Variants in XRN1 observed in about 807,000 individuals in gnomAD.
XRN1 encodes the protein 5'-3' exoribonuclease 1.
A neutral mutation model predicts 222.3 loss-of-function variants in XRN1; 67 were observed. That is an observed-to-expected ratio of 0.30 (90% confidence interval 0.25 to 0.37). The LOEUF is 0.37. Ranked by LOEUF, XRN1 falls within the 10% of genes least tolerant of loss-of-function variation. The pLI, the probability that XRN1 is intolerant of heterozygous loss-of-function variation, is 1.00. For synonymous variants in XRN1, 643 were observed against 652.4 expected, an observed-to-expected ratio of 0.99 and a Z score of 0.22; for missense variants, 1,707 against 2,000.2, an observed-to-expected ratio of 0.85 and a Z score of 2.80.
At chr3:142,412,075 C>A (rs1464219590) in intron 15 of XRN1, among the ~76,000 whole-genome samples, 1 of 152,102 alleles carries the variant, frequency 6.6e-6, no homozygotes, top group Non-Finnish European at 1.5e-5. Context: ...CTGCCCGCCT[C>A]AGCCTCCCAA....
At position 142,394,357 on chromosome 3, in the gene XRN1, G is replaced by C. The variant is rs543397419; in HGVS notation, c.2339+2972C>G. On this transcript the variant is annotated intron_variant, in intron 20 of 40. Transcript: ENST00000392981. ...CACTTCTATCCCAAAACACAGGGTAGAATGTTTCATTATAAATTATGACTC... is the reference window on the plus strand; with the variant it reads ...CACTTCTATCCCAAAACACAGGGTACAATGTTTCATTATAAATTATGACTC... Among the ~76,000 whole-genome samples, 3 of 152,292 alleles carry C rather than the reference G, an allele frequency of 2.0e-5. 1 individual carries two copies. In the South Asian group the frequency reaches 6.2e-4, roughly 32 times the overall value.
chr3:142,430,854 G>T (rs1450800958), intron 2 of XRN1, among the ~76,000 whole-genome samples: 1 of 152,148 alleles, frequency 6.6e-6, no homozygotes, highest in Non-Finnish European at 1.5e-5. Flanking sequence ...ACATGTCCAG[G>T]AATGAACTTT....
chr3:142,372,061 T>A (rs1052827449), intron 25 of XRN1, among the ~76,000 whole-genome samples: 14 of 152,152 alleles, frequency 9.2e-5, no homozygotes, highest in African/African-American at 3.4e-4. Flanking sequence ...TCCAGGTACA[T>A]TTGAAAGTGT....
chr3:142,391,745 A>ATATATAT (rs1285125894), intron 20 of XRN1, among the ~76,000 whole-genome samples: 1 of 80,270 alleles, frequency 1.2e-5, no homozygotes, highest in African/African-American at 3.6e-5. Flanking sequence ...CTAAAAAAAA[A>ATATATAT]AAAAATATAT....
intron 15 of XRN1, among the ~76,000 whole-genome samples, chr3:142,408,349 G>C (rs1444653239): frequency 6.6e-6 from 1 of 152,218 alleles, no homozygotes; most frequent in Non-Finnish European, 1.5e-5. Flanking sequence ...TTGTGGGGGT[G>C]CTTGGGTGGG....
intron 29 of XRN1, among the ~76,000 whole-genome samples, chr3:142,361,498 G>C (rs1278470943): frequency 6.6e-6 from 1 of 151,986 alleles, no homozygotes; most frequent in Non-Finnish European, 1.5e-5. Context: ...AATGGGGGGA[G>C]AAAAAAAGAA....
intron 39 of XRN1, among the ~76,000 whole-genome samples, chr3:142,317,972 A>G (rs545376415): frequency 3.8e-4 from 58 of 152,074 alleles, no homozygotes; most frequent in African/African-American, 1.4e-3. Flanking sequence ...GAAATCCTTT[A>G]TTATTCAGTT....
At chr3:142,410,585 T>C (rs2068533697) in intron 15 of XRN1, among the ~76,000 whole-genome samples, 1 of 146,072 alleles carries the variant, frequency 6.8e-6, no homozygotes, top group South Asian at 2.2e-4. Context: ...CCTCTGCCTC[T>C]GAGGGTTCAA....
chr3:142,399,491 T>A (rs2068048399), intron 19 of XRN1, among the ~76,000 whole-genome samples: 1 of 152,036 alleles, frequency 6.6e-6, no homozygotes, highest in African/African-American at 2.4e-5. Flanking sequence ...CTATAAAACT[T>A]TTCAAAGAAA....
At chr3:142,328,294 T>A (rs185172983) in intron 37 of XRN1, among the ~76,000 whole-genome samples, 247 of 152,318 alleles carry the variant, frequency 1.6e-3, no homozygotes, top group African/African-American at 5.7e-3. Flanking sequence ...TCCCTCCTAG[T>A]ACTACTTTTG....
chr3:142,445,044 C>G (rs1201705267), intron 1 of XRN1, among the ~76,000 whole-genome samples: 1 of 152,180 alleles, frequency 6.6e-6, no homozygotes, highest in Non-Finnish European at 1.5e-5. Context: ...GGCACCTCTA[C>G]TATTTGTCTT....
At position 142,324,845 on chromosome 3, in the gene XRN1, A is replaced by G. The variant is rs371672641; in HGVS notation, c.4404+4589T>C. Among the ~76,000 whole-genome samples, 7 of 152,200 alleles carry G rather than the reference A, an allele frequency of 4.6e-5. No individual in the cohort carries two copies. The East Asian group carries it at 7.7e-4, about 17-fold the overall frequency. On this transcript the variant is annotated intron_variant, in intron 37 of 40. Transcript: ENST00000392981. ...TTTGATTTGCATTTCTCTGATGGCC[A>G]GTGATGATGAGCATTTTTTCATATG...
chr3:142,358,660 T>C (rs1278594886), intron 30 of XRN1, among the ~76,000 whole-genome samples: 2 of 152,168 alleles, frequency 1.3e-5, no homozygotes, highest in Admixed American at 6.5e-5. Context: ...ATCAAAGGTA[T>C]TGGTAATCAA....
chr3:142,443,071 C>T (rs898817148), intron 1 of XRN1, among the ~76,000 whole-genome samples: 2 of 152,194 alleles, frequency 1.3e-5, no homozygotes, highest in African/African-American at 4.8e-5. Context: ...AAGTTTGTCT[C>T]TTCCAGAATC....
intron 37 of XRN1, among the ~76,000 whole-genome samples, chr3:142,327,541 A>C (rs957515342): frequency 2.6e-5 from 4 of 151,768 alleles, no homozygotes; most frequent in East Asian, 3.9e-4. Flanking sequence ...AAAAAAAAAA[A>C]ACAACTTTTT....
At chr3:142,333,147 A>G in intron 34 of XRN1, 58 bp from the exon 35 acceptor site, 1 of 1,543,112 alleles carries the variant, frequency 6.5e-7, no homozygotes, top group Non-Finnish European at 8.7e-7. Flanking sequence ...AACACACAAA[A>G]AGCTGAGTTT....
rs758949470 is a variant in XRN1, at chr3:142,311,561, T to TAAGAAAA, written c.5034_5035insTTTTCTT (p.Lys1679PhefsTer3). The TAAGAAAA allele has an allele frequency of 1.9e-5, 30 of 1,611,002 alleles. No homozygotes were observed. Among genetic ancestry groups the TAAGAAAA allele is most frequent in the Non-Finnish European group, 2.5e-5 (29 of 1,178,040 alleles). On this transcript the variant is annotated frameshift_variant, in exon 41 of 41. Coordinates refer to ENST00000392981, the MANE Select transcript of XRN1 (RefSeq NM_001282857.2). LOFTEE classifies it high-confidence loss of function. Reference sequence around the variant, plus strand: ...AAATTAACAGCCAGTTTTCTTGATTTTCTTCTTGAAGAAGAGATTGGTGTT... The same window carrying TAAGAAAA: ...AAATTAACAGCCAGTTTTCTTGATTTAAGAAAATCTTCTTGAAGAAGAGATTGGTGTT...
rs1279517246 is a variant in XRN1 at position 142,311,702 on chromosome 3, C to CT, written c.4893dup (p.Val1632SerfsTer26). On this transcript the variant is annotated frameshift_variant, in exon 41 of 41. Transcript: ENST00000392981. LOFTEE classifies it high-confidence loss of function. The stretch of plus-strand genomic sequence containing the variant: ...GCTGATGAGCTCTCCCGTGGACTTA[C>CT]TTTGACAATGTTGGAAGAATCTGGC... 6.2e-7 allele frequency: 1 copy of CT among 1,614,116 alleles called. No individual in the cohort carries two copies. Among genetic ancestry groups the CT allele is most frequent in the Admixed American group, 1.7e-5 (1 of 60,014 alleles).
chr3:142,392,325 CT>C (rs58724846), intron 20 of XRN1, among the ~76,000 whole-genome samples: 70,026 of 143,168 alleles, frequency 0.49, 17,497 homozygotes, highest in African/African-American at 0.71. Context: ...CCAGCAATTT[CT>C]TTTTTTTTTT....
Sources: gnomAD v4.1 joint callset for allele counts (sites outside exome capture counted in the v4.1 genomes callset) on GRCh38, gnomAD v4.1.1 for gene constraint, MANE v1.5 for transcripts, NCBI Gene and HGNC (gene_info 2026-07-23, HGNC 2026-07-21) for gene names.